CFAP58: variants seen among roughly 807,000 people sequenced by gnomAD.
CFAP58 encodes cilia and flagella associated protein 58, also known as cilia- and flagella-associated protein 58.
Under a neutral mutation model 119.5 loss-of-function variants are expected in CFAP58, and 88 were observed. That is an observed-to-expected ratio of 0.74 (90% CI 0.62 to 0.88). The LOEUF (loss-of-function observed/expected upper bound fraction) is 0.88, where lower values mean the gene tolerates loss of function less well. Ranked by LOEUF, CFAP58 falls within the 40% of genes least tolerant of loss-of-function variation. The probability of loss-of-function intolerance (pLI) is 0.00; values close to 1 mark genes in which losing one functional copy is unlikely to be tolerated. For synonymous variants in CFAP58, 365 were observed against 366.3 expected (o/e 1.00, Z 0.04); for missense variants, 990 against 1,021.2 (o/e 0.97, Z 0.42).
At chr10:104,396,369 T>TGAGAGAGAGA (rs57210958) in intron 11 of CFAP58, among the ~76,000 whole-genome samples, 70 of 86,828 alleles carry the variant, frequency 8.1e-4, no homozygotes, top group East Asian at 1.1e-3. Context: ...CTGTTATCCA[T>TGAGAGAGAGA]GAGAGAGAGA....
At chr10:104,372,094 C>T (rs960010083) in intron 7 of CFAP58, among the ~76,000 whole-genome samples, 8 of 152,046 alleles carry the variant, frequency 5.3e-5, no homozygotes, top group South Asian at 4.2e-4. Flanking sequence ...GTCTCATGCC[C>T]GTAATCTCAG....
At chr10:104,440,914 C>T (rs1337997524) in intron 15 of CFAP58, among the ~76,000 whole-genome samples, 1 of 152,154 alleles carries the variant, frequency 6.6e-6, no homozygotes, top group East Asian at 1.9e-4. Context: ...CCTAGCACCT[C>T]TTTGGGAACC....
At chr10:104,437,358 A>G (rs946779625) in intron 15 of CFAP58, among the ~76,000 whole-genome samples, 8 of 152,236 alleles carry the variant, frequency 5.3e-5, no homozygotes, top group Non-Finnish European at 1.0e-4. Flanking sequence ...TTGTAACATA[A>G]AAATATTAAC....
intron 13 of CFAP58, among the ~76,000 whole-genome samples, chr10:104,403,082 C>G (rs2012293643): frequency 6.6e-6 from 1 of 152,132 alleles, no homozygotes; most frequent in Non-Finnish European, 1.5e-5. Flanking sequence ...ACTCTGTGTC[C>G]CCACCCACAT....
chr10:104,440,739 C>G (rs749074742), intron 15 of CFAP58, among the ~76,000 whole-genome samples: 1 of 152,126 alleles, frequency 6.6e-6, no homozygotes. Flanking sequence ...GTGGCTTTAT[C>G]TATTCAATTT....
At chr10:104,436,672 C>T (rs2012940427) in intron 15 of CFAP58, among the ~76,000 whole-genome samples, 1 of 152,170 alleles carries the variant, frequency 6.6e-6, no homozygotes, top group South Asian at 2.1e-4. Flanking sequence ...CCAAGCACCT[C>T]CCACCAGGAC....
At chr10:104,343,811 G>A in the CFAP58 span, among the ~76,000 whole-genome samples, 11 of 152,126 alleles carry the variant, frequency 7.2e-5, no homozygotes, top group South Asian at 8.3e-4. Context: ...AGTGACGGTC[G>A]GCTTCACTGC....
At chr10:104,402,709 T>C (rs1304789181) in intron 13 of CFAP58, among the ~76,000 whole-genome samples, 3 of 152,204 alleles carry the variant, frequency 2.0e-5, no homozygotes, top group Non-Finnish European at 4.4e-5. Context: ...ATCTGTGTGG[T>C]TGTGGAACTC....
chr10:104,450,306 C>G (rs2013174392), intron 17 of CFAP58, 102 bp downstream of exon 17: 1 of 1,199,090 alleles, frequency 8.3e-7, no homozygotes, highest in African/African-American at 1.5e-5. Flanking sequence ...CTGGGGTAAA[C>G]TAAATCACAG....
chr10:104,351,805 A>G (rs1218776922), upstream of CFAP58: 1 of 152,206 alleles, frequency 6.6e-6, no homozygotes, highest in Non-Finnish European at 1.5e-5. Flanking sequence ...TATAAAAAAT[A>G]TAGGGAAAAA....
chr10:104,411,864 T>C (rs2012467098), intron 15 of CFAP58, among the ~76,000 whole-genome samples: 2 of 151,926 alleles, frequency 1.3e-5, no homozygotes, highest in Non-Finnish European at 2.9e-5. Context: ...TTGCCAAGGG[T>C]GAAACTTTTA....
chr10:104,443,885 C>A (rs982077971), intron 15 of CFAP58, among the ~76,000 whole-genome samples: 1 of 152,184 alleles, frequency 6.6e-6, no homozygotes, highest in Non-Finnish European at 1.5e-5. Flanking sequence ...TACTACCATA[C>A]TTAGCTGATA....
the CFAP58 span, among the ~76,000 whole-genome samples, chr10:104,342,910 A>G: frequency 1.3e-5 from 2 of 151,250 alleles, no homozygotes; most frequent in African/African-American, 2.4e-5. Flanking sequence ...GGGGAGCTTC[A>G]CACCACATCT....
At chr10:104,417,087 A>C (rs375979205) in intron 15 of CFAP58, among the ~76,000 whole-genome samples, 8 of 152,228 alleles carry the variant, frequency 5.3e-5, no homozygotes, top group African/African-American at 1.9e-4. Context: ...GCAGATCCCC[A>C]GGGATTCAGA....
At chr10:104,437,371 A>G (rs568484496) in intron 15 of CFAP58, among the ~76,000 whole-genome samples, 1 of 152,284 alleles carries the variant, frequency 6.6e-6, no homozygotes, top group African/African-American at 2.4e-5. Flanking sequence ...ATATTAACAA[A>G]CGAGCTTGCC....
At chr10:104,341,225 G>T in the CFAP58 span, among the ~76,000 whole-genome samples, 104 of 151,754 alleles carry the variant, frequency 6.9e-4, no homozygotes, top group Non-Finnish European at 1.3e-3. Context: ...TTCATGATAA[G>T]AAATTAAAAT....
At position 104,406,790 on chromosome 10, in the gene CFAP58, C is replaced by T. The variant is rs1174879017; in HGVS notation, c.2253C>T (p.Leu751=). 4 of 1,613,706 alleles carry T rather than the reference C, an allele frequency of 2.5e-6. No individual in the cohort carries two copies. Among genetic ancestry groups the T allele is most frequent in the Non-Finnish European group, 3.4e-6 (4 of 1,179,612 alleles). Residue 751 remains leucine (L), a synonymous_variant, in exon 15 of 18, where the codon CTC becomes CTT. Coordinates refer to ENST00000369704, the MANE Select transcript of CFAP58 (RefSeq NM_001008723.2). ...AGGTGGTTGAAAAAGAGCTGCTCCT[C>T]CAGGTAGCATTTTTGTTTTCTGTAC... The part of the protein sequence containing the change: ...TEEVVEKELL[L]QEKEKLYMEL...
At chr10:104,452,854 G>C (rs1353563597) in intron 17 of CFAP58, among the ~76,000 whole-genome samples, 2 of 152,152 alleles carry the variant, frequency 1.3e-5, no homozygotes, top group African/African-American at 4.8e-5. Flanking sequence ...CTCTGACCTA[G>C]TTAGGGTTCC....
At chr10:104,430,906 G>A (rs926234468) in intron 15 of CFAP58, among the ~76,000 whole-genome samples, 3 of 152,088 alleles carry the variant, frequency 2.0e-5, no homozygotes, top group Non-Finnish European at 4.4e-5. Context: ...TATATTTTTT[G>A]TACTAAGTTT....
Sources: allele counts gnomAD v4.1 joint callset (sites outside exome capture counted in the v4.1 genomes callset), GRCh38; gene constraint gnomAD v4.1.1; transcripts MANE v1.5; gene names NCBI Gene and HGNC (gene_info 2026-07-23, HGNC 2026-07-21).